ANKRD30B: variants seen among roughly 807,000 people sequenced by gnomAD.
ANKRD30B encodes the protein ankyrin repeat domain-containing protein 30B.
ANKRD30B carries 144 observed loss-of-function variants against 202.2 expected under a neutral mutation model. The observed-to-expected ratio is 0.71, with a 90% confidence interval of 0.62 to 0.82. The LOEUF (loss-of-function observed/expected upper bound fraction) is 0.82, where lower values mean the gene tolerates loss of function less well. Among genes scored for constraint, ANKRD30B ranks in the 40% least tolerant of loss-of-function variants. The pLI is 0.00. For synonymous variants in ANKRD30B, 508 were observed against 561.3 expected, an observed-to-expected ratio of 0.91 and a Z score of 1.34; for missense variants, 1,487 against 1,669.1, an observed-to-expected ratio of 0.89 and a Z score of 1.90.
chr18:14,911,087 G>A, the ANKRD30B span, among the ~76,000 whole-genome samples: 21 of 151,898 alleles, frequency 1.4e-4, no homozygotes, highest in Admixed American at 4.6e-4. Flanking sequence ...TTACTCCATC[G>A]ATTATTTATT....
In ANKRD30B at chr18:14,850,317, C is replaced by T. The variant is rs1350211744; in HGVS notation, c.3499C>T (p.Gln1167Ter). Residue 1167 changes from glutamine to a stop codon, truncating the protein, a stop_gained, in exon 41 of 44, where the codon CAA becomes TAA. Coordinates refer to ENST00000690538, the MANE Select transcript of ANKRD30B (RefSeq NM_001367607.2). LOFTEE classifies it high-confidence loss of function. ...TAGGAAAAAGTTAGAAGTGAAACAA[C>T]AACTTGAACAGACTCTCAGAATACA... is the stretch of plus-strand genomic sequence containing the variant. ...QLRKKLEVKQ[Q>*]LEQTLRIQDI... is the part of the protein sequence containing the mutation. The T allele has an allele frequency of 6.3e-7, 1 of 1,589,774 alleles. No homozygotes were observed. Among genetic ancestry groups the T allele is most frequent in the Non-Finnish European group, 8.5e-7 (1 of 1,169,612 alleles).
chr18:14,789,401 C>A (rs1001952261), intron 15 of ANKRD30B, among the ~76,000 whole-genome samples: 12 of 152,078 alleles, frequency 7.9e-5, no homozygotes, highest in Non-Finnish European at 1.8e-4. Context: ...TTAATGAGAT[C>A]CCATTTGTCA....
chr18:14,929,527 C>T, the ANKRD30B span, among the ~76,000 whole-genome samples: 2 of 152,224 alleles, frequency 1.3e-5, no homozygotes, highest in African/African-American at 2.4e-5. Flanking sequence ...TTCTTCAGGC[C>T]TATATAAGCT....
At chr18:14,937,780 A>C in the ANKRD30B span, among the ~76,000 whole-genome samples, 2 of 151,958 alleles carry the variant, frequency 1.3e-5, no homozygotes, top group Non-Finnish European at 2.9e-5. Context: ...TTCTTTTGTT[A>C]CTTTGTGTGT....
the ANKRD30B span, among the ~76,000 whole-genome samples, chr18:14,873,482 G>C: frequency 6.9e-6 from 1 of 145,866 alleles, no homozygotes; most frequent in Non-Finnish European, 1.5e-5. Context: ...CCGAGATGGT[G>C]CCATTGCACT....
In ANKRD30B at chr18:14,810,019, T is replaced by C. The variant is rs1676098701; in HGVS notation, c.2415+5T>C. The stretch of plus-strand genomic sequence containing the variant: ...GATAAAGATGGTCTTCTGAAGGTAA[T>C]AACTTTTATATTTTTATCTTGAATA... On this transcript the variant is annotated splice_donor_5th_base_variant and intron_variant, in intron 27 of 43. Coordinates refer to ENST00000690538, the MANE Select transcript of ANKRD30B (RefSeq NM_001367607.2). 2.1e-6 allele frequency: 3 copies of C among 1,429,910 alleles called. No homozygotes were observed. Among genetic ancestry groups the C allele is most frequent in the Non-Finnish European group, 2.9e-6 (3 of 1,023,468 alleles). The allele number at this position is 1,429,910 out of a possible 1,614,324, so 88.6% of individuals were successfully genotyped here. A position where few individuals can be genotyped will look rare whatever the true frequency, so the allele number is the denominator to read the frequency against.
At chr18:14,799,531 A>G (rs1370386971) in intron 22 of ANKRD30B, among the ~76,000 whole-genome samples, 2 of 152,140 alleles carry the variant, frequency 1.3e-5, no homozygotes, top group Admixed American at 6.6e-5. Flanking sequence ...ATATCCCGAT[A>G]GTATAAAGTT....
At chr18:14,905,997 C>G in the ANKRD30B span, 1 of 151,846 alleles carries the variant, frequency 6.6e-6, no homozygotes, top group African/African-American at 2.4e-5. Flanking sequence ...TTTGCTTGGC[C>G]CTGAAGGTGG....
At chr18:14,848,587 A>G (rs1445384619) in intron 39 of ANKRD30B, 129 bp from the exon 40 acceptor site, 2 of 670,762 alleles carry the variant, frequency 3.0e-6, no homozygotes, top group African/African-American at 1.9e-5. Context: ...AGCTTAGTAT[A>G]ATGCCTTCCA....
chr18:14,865,650 T>G, the ANKRD30B span, among the ~76,000 whole-genome samples: 2 of 151,322 alleles, frequency 1.3e-5, no homozygotes, highest in Admixed American at 6.6e-5. Context: ...CCTCACCATC[T>G]TTATGCAATG....
chr18:14,874,858 CTTT>C, the ANKRD30B span, among the ~76,000 whole-genome samples: 6 of 152,194 alleles, frequency 3.9e-5, no homozygotes, highest in East Asian at 1.9e-4. Context: ...CCCTTTCAAA[CTTT>C]TTGTTGTTTG....
chr18:14,901,067 C>T, the ANKRD30B span, among the ~76,000 whole-genome samples: 15 of 152,156 alleles, frequency 9.9e-5, no homozygotes, highest in Non-Finnish European at 2.2e-4. Flanking sequence ...TTCAGTTATT[C>T]TAAGCTGAAT....
the ANKRD30B span, among the ~76,000 whole-genome samples, chr18:14,938,375 G>A: frequency 2.0e-5 from 3 of 152,178 alleles, no homozygotes; most frequent in Admixed American, 6.5e-5. Flanking sequence ...ATGCTCCCAC[G>A]CTTGCCGCCC....
intron 37 of ANKRD30B, among the ~76,000 whole-genome samples, chr18:14,841,906 A>G (rs1971434452): frequency 6.6e-6 from 1 of 152,168 alleles, no homozygotes; most frequent in African/African-American, 2.4e-5. Flanking sequence ...AAATGTTTAT[A>G]TTTTGTTGAT....
intron 30 of ANKRD30B, among the ~76,000 whole-genome samples, chr18:14,821,457 G>A (rs983603770): frequency 2.6e-5 from 4 of 151,858 alleles, no homozygotes; most frequent in African/African-American, 7.3e-5. Flanking sequence ...TGTGATGTTA[G>A]GGTGTTTTTT....
chr18:14,935,595 C>T, the ANKRD30B span, among the ~76,000 whole-genome samples: 1 of 152,170 alleles, frequency 6.6e-6, no homozygotes, highest in Non-Finnish European at 1.5e-5. Context: ...TATTTTTCTT[C>T]TTGCAAATGT....
At chr18:14,808,638 A>T in intron 25 of ANKRD30B, 34 bp from the exon 26 acceptor site, 1 of 1,559,494 alleles carries the variant, frequency 6.4e-7, no homozygotes. Flanking sequence ...AGTATACATT[A>T]TATATTAATT....
chr18:14,770,969 G>A (rs770953044), intron 8 of ANKRD30B, among the ~76,000 whole-genome samples: 51 of 152,104 alleles, frequency 3.4e-4, no homozygotes, highest in Admixed American at 3.3e-3. Context: ...GTGGCCCAAG[G>A]CAGATGTCCC....
chr18:14,804,628 G>A (rs571244575), intron 24 of ANKRD30B, among the ~76,000 whole-genome samples: 2 of 150,646 alleles, frequency 1.3e-5, no homozygotes, highest in Non-Finnish European at 3.0e-5. Context: ...AGGGCCATTG[G>A]GTAGAAGGTC....
Sources: allele counts gnomAD v4.1 joint callset (sites outside exome capture counted in the v4.1 genomes callset), GRCh38; gene constraint gnomAD v4.1.1; transcripts MANE v1.5; gene names NCBI Gene and HGNC (gene_info 2026-07-23, HGNC 2026-07-21).